The following NXPE4 variants were observed in gnomAD, a reference collection of about 807,000 sequenced individuals.
NXPE4 encodes the protein NXPE family member 4.
NXPE4 carries 42 observed loss-of-function variants against 33.3 expected under a neutral mutation model. The ratio of observed to expected loss-of-function variants is 1.26; its 90% CI spans 0.98 to 1.63. The LOEUF is 1.63. Among genes scored for constraint, NXPE4 ranks in the 40% most tolerant of loss-of-function variants. NXPE4 has a pLI of 0.00. For synonymous variants in NXPE4, 253 were observed against 234.9 expected, an observed-to-expected ratio of 1.08 and a Z score of -0.71; for missense variants, 709 against 647.6, an observed-to-expected ratio of 1.09 and a Z score of -1.03.
the NXPE4 span, among the ~76,000 whole-genome samples, chr11:114,626,956 G>A: frequency 9.2e-5 from 14 of 151,792 alleles, no homozygotes; most frequent in African/African-American, 3.1e-4. Flanking sequence ...AAGTGAGAAG[G>A]GAAGTTTAGA....
chr11:114,576,975 T>TTATATA (rs200805130), intron 5 of NXPE4, among the ~76,000 whole-genome samples: 1 of 128,164 alleles, frequency 7.8e-6, no homozygotes, highest in Non-Finnish European at 1.6e-5. Flanking sequence ...AAGAAGATGT[T>TTATATA]TATATATATA....
At chr11:114,625,978 AACGGCGC>A in the NXPE4 span, among the ~76,000 whole-genome samples, 4,841 of 152,216 alleles carry the variant, frequency 0.032, 264 homozygotes, top group African/African-American at 0.11. Flanking sequence ...GGGCTTAAAA[AACGGCGC>A]ACCAGGAGAT....
chr11:114,661,472 G>A, the NXPE4 span, among the ~76,000 whole-genome samples: 15 of 152,108 alleles, frequency 9.9e-5, no homozygotes, highest in African/African-American at 3.6e-4. Flanking sequence ...GTTCAGGAAC[G>A]CTGCCTGTTT....
the NXPE4 span, among the ~76,000 whole-genome samples, chr11:114,632,479 A>G: frequency 3.9e-5 from 5 of 127,736 alleles, no homozygotes; most frequent in African/African-American, 1.2e-4. Flanking sequence ...TATACTATAT[A>G]ATACTCCATA....
the NXPE4 span, among the ~76,000 whole-genome samples, chr11:114,632,618 A>G: frequency 9.8e-6 from 1 of 101,722 alleles, no homozygotes; most frequent in Non-Finnish European, 1.8e-5. Context: ...TATTTTATAT[A>G]TATTTATATA....
chr11:114,623,608 G>A, the NXPE4 span, among the ~76,000 whole-genome samples: 1 of 152,026 alleles, frequency 6.6e-6, no homozygotes, highest in South Asian at 2.1e-4. Context: ...TTGCCTCATG[G>A]GTTACCCGTT....
chr11:114,657,864 C>G, the NXPE4 span, among the ~76,000 whole-genome samples: 1 of 152,118 alleles, frequency 6.6e-6, no homozygotes, highest in South Asian at 2.1e-4. Flanking sequence ...TGAGCAAAAT[C>G]TCTCATAGTT....
At chr11:114,597,154 G>T (rs1949582499), upstream of NXPE4, among the ~76,000 whole-genome samples, 1 of 151,894 alleles carries the variant, frequency 6.6e-6, no homozygotes, top group Admixed American at 6.6e-5. Context: ...TGTAACCCTG[G>T]TATAACCACT....
At chr11:114,667,548 A>C in the NXPE4 span, among the ~76,000 whole-genome samples, 10 of 152,276 alleles carry the variant, frequency 6.6e-5, no homozygotes, top group East Asian at 1.9e-3. Context: ...ATTTGGTGGA[A>C]GTCATGACAT....
At chr11:114,645,198 G>A in the NXPE4 span, among the ~76,000 whole-genome samples, 1 of 152,088 alleles carries the variant, frequency 6.6e-6, no homozygotes, top group Non-Finnish European at 1.5e-5. Flanking sequence ...GCTACACAGA[G>A]GCTGAGGCAG....
chr11:114,593,432 A>G (rs1235082201), intron 2 of NXPE4, among the ~76,000 whole-genome samples: 1 of 152,204 alleles, frequency 6.6e-6, no homozygotes, highest in Non-Finnish European at 1.5e-5. Context: ...GGTGCTCAAC[A>G]TCATTGATCA....
At chr11:114,669,991 GC>G in the NXPE4 span, among the ~76,000 whole-genome samples, 2 of 151,984 alleles carry the variant, frequency 1.3e-5, no homozygotes, top group Admixed American at 1.3e-4. Context: ...ACAGTAACAA[GC>G]AAAACCATAA....
the NXPE4 span, among the ~76,000 whole-genome samples, chr11:114,638,736 C>A: frequency 1.3e-5 from 2 of 152,158 alleles, no homozygotes; most frequent in Admixed American, 1.3e-4. Context: ...CTACTCCAGA[C>A]CCTGTTTGCC....
the NXPE4 span, among the ~76,000 whole-genome samples, chr11:114,621,028 T>A: frequency 1.3e-5 from 2 of 152,082 alleles, no homozygotes; most frequent in African/African-American, 4.8e-5. Context: ...TGACCACTGT[T>A]ACGCAGTGCA....
the NXPE4 span, among the ~76,000 whole-genome samples, chr11:114,665,860 C>T: frequency 6.6e-6 from 1 of 152,110 alleles, no homozygotes; most frequent in African/African-American, 2.4e-5. Context: ...CATTTATTGA[C>T]CACCTACAAT....
chr11:114,602,622 A>G, the NXPE4 span, among the ~76,000 whole-genome samples: 5 of 141,374 alleles, frequency 3.5e-5, no homozygotes, highest in Non-Finnish European at 7.5e-5. Flanking sequence ...TATCTCATAT[A>G]TAAATTATAG....
the NXPE4 span, among the ~76,000 whole-genome samples, chr11:114,602,035 A>G: frequency 4.3e-3 from 389 of 90,812 alleles, 2 homozygotes; most frequent in African/African-American, 0.017. Flanking sequence ...ATGTTATACT[A>G]TATAATATAT....
the NXPE4 span, among the ~76,000 whole-genome samples, chr11:114,609,420 G>T: frequency 6.6e-6 from 1 of 151,862 alleles, no homozygotes; most frequent in African/African-American, 2.4e-5. Flanking sequence ...TTACCCTGTG[G>T]ATAATAAGTG....
chr11:114,652,255 T>G, the NXPE4 span, among the ~76,000 whole-genome samples: 1 of 152,210 alleles, frequency 6.6e-6, no homozygotes, highest in Non-Finnish European at 1.5e-5. Context: ...AAAGTATTTA[T>G]GGACATTGAG....
Sources: gnomAD v4.1 joint callset for allele counts (sites outside exome capture counted in the v4.1 genomes callset) on GRCh38, gnomAD v4.1.1 for gene constraint, MANE v1.5 for transcripts, NCBI Gene and HGNC (gene_info 2026-07-23, HGNC 2026-07-21) for gene names.